SLCO4A1: variants seen among roughly 807,000 people sequenced by gnomAD.
SLCO4A1 encodes the protein colon organic anion transporter.
SLCO4A1 carries 51 observed loss-of-function variants against 64.6 expected under a neutral mutation model. The ratio of observed to expected loss-of-function variants is 0.79; its 90% CI spans 0.63 to 1.00. The LOEUF (loss-of-function observed/expected upper bound fraction) is 1.00. Among genes scored for constraint, SLCO4A1 ranks in the 50% least tolerant of loss-of-function variants. SLCO4A1 has a pLI of 0.00. For missense variants in SLCO4A1, 919 were observed against 980.5 expected (o/e 0.94, Z 0.84); for synonymous variants, 471 against 444.9 (o/e 1.06, Z -0.74).
intron 11 of SLCO4A1, 45 bp downstream of exon 11, chr20:62,669,123 G>T (rs770226603): frequency 1.3e-6 from 2 of 1,582,816 alleles, no homozygotes; most frequent in East Asian, 4.5e-5. Context: ...TCTGAGGGTG[G>T]CTGGGGGCTC....
At chr20:62,660,620 C>T (rs2147084725) in intron 4 of SLCO4A1, 87 bp downstream of exon 4, 16 of 1,447,334 alleles carry the variant, frequency 1.1e-5, no homozygotes, top group Non-Finnish European at 1.4e-5. Flanking sequence ...CCTCTGCTGT[C>T]TTTTTCCCCG....
Position 62,665,084 on chromosome 20 carries a change from G to A in SLCO4A1, c.1272G>A (p.Leu424=). 6.2e-7 allele frequency: 1 copy of A among 1,604,648 alleles called. No individual in the cohort carries two copies. The highest frequency in any genetic ancestry group is 8.5e-7 in the Non-Finnish European group (1 of 1,176,784). The stretch of plus-strand genomic sequence containing the variant: ...TGAGTGCCTCAGAAGCTGCCACCTT[G>A]TTTGGTGAGAAAACTGAATCTTGGG... ...FSLSASEAAT[L]FGYLVVPAGG... Residue 424 remains leucine, a synonymous_variant, in exon 6 of 12, where the codon TTG becomes TTA. Coordinates refer to ENST00000217159, the MANE Select transcript of SLCO4A1 (RefSeq NM_016354.4).
At chr20:62,653,916 G>A (rs1042173324) in intron 1 of SLCO4A1, among the ~76,000 whole-genome samples, 2 of 151,826 alleles carry the variant, frequency 1.3e-5, no homozygotes, top group African/African-American at 2.4e-5. Flanking sequence ...GGGAGGGATA[G>A]CATTAGGAGA....
At chr20:62,682,649 C>CCACACACA (rs10552847) in intron 2 of SLCO4A1, among the ~76,000 whole-genome samples, 37 of 150,796 alleles carry the variant, frequency 2.5e-4, no homozygotes, top group Admixed American at 5.3e-4. Flanking sequence ...GACCATGTGA[C>CCACACACA]CACACACACA....
rs1353915889 is a variant in SLCO4A1 at position 62,685,609 on chromosome 20, G to T, written n.380G>T. The T allele has an allele frequency of 4.2e-6, 1 of 238,312 alleles. No homozygotes were observed. The highest frequency in any genetic ancestry group is 2.3e-5 in the African/African-American group (1 of 42,918). The allele number at this position is 238,312 out of a possible 1,614,324, so 14.8% of individuals were successfully genotyped here. A position where few individuals can be genotyped will look rare whatever the true frequency, so the allele number is the denominator to read the frequency against. On this transcript the variant is annotated non_coding_transcript_exon_variant, in exon 3 of 3. Coordinates refer to the SLCO4A1 transcript ENST00000466818. This position sits in a 1 kb window ranked among gnomAD's most constrained non-coding sequence, Gnocchi z 4.6. ...GGGTGGACTGCCTGTGTTCTCCTGG[G>T]AGAGAATGCATTTGCTTCCGATGCC...
chr20:62,648,429 CG>C (rs764560091), intron 1 of SLCO4A1, among the ~76,000 whole-genome samples: 86 of 152,312 alleles, frequency 5.6e-4, no homozygotes, highest in Admixed American at 1.3e-3. Flanking sequence ...GGCTCACGGG[CG>C]GGGCCACCAG....
At chr20:62,672,759 A>G (rs1242247932), downstream of SLCO4A1, among the ~76,000 whole-genome samples, 1 of 152,148 alleles carries the variant, frequency 6.6e-6, no homozygotes, top group Non-Finnish European at 1.5e-5. Flanking sequence ...GTGCGGGGTC[A>G]TAAGGGTGGG....
chr20:62,657,921 T>G (rs889628355), intron 2 of SLCO4A1, among the ~76,000 whole-genome samples: 1 of 152,248 alleles, frequency 6.6e-6, no homozygotes, highest in Non-Finnish European at 1.5e-5. Context: ...AACTCTATGC[T>G]AGGCAGCTGA....
intron 2 of SLCO4A1, among the ~76,000 whole-genome samples, chr20:62,677,578 C>T (rs1340055447): frequency 6.6e-6 from 1 of 152,170 alleles, no homozygotes; most frequent in Non-Finnish European, 1.5e-5. Flanking sequence ...CAGAGGATGG[C>T]AGGAGGCAGG....
chr20:62,666,770 A>C, intron 7 of SLCO4A1, 195 bp downstream of exon 7: 1 of 603,132 alleles, frequency 1.7e-6, no homozygotes, highest in Non-Finnish European at 2.9e-6. Flanking sequence ...GCCAGCCCCC[A>C]GCAGTGCCTG....
At chr20:62,674,337 C>T (rs558300843), downstream of SLCO4A1, among the ~76,000 whole-genome samples, 10 of 152,228 alleles carry the variant, frequency 6.6e-5, no homozygotes, top group Non-Finnish European at 1.2e-4. Flanking sequence ...TGTCAGCCTG[C>T]GGGCTGAGCT....
intron 1 of SLCO4A1, among the ~76,000 whole-genome samples, chr20:62,655,152 C>T (rs766286288): frequency 1.3e-5 from 2 of 152,170 alleles, no homozygotes; most frequent in Non-Finnish European, 1.5e-5. Flanking sequence ...GGAGGTGCCC[C>T]AGATGGCAAG....
chr20:62,668,058 T>C lies in SLCO4A1; in HGVS notation c.1685T>C (p.Phe562Ser). 6.2e-7 allele frequency: 1 copy of C among 1,614,064 alleles called. No individual in the cohort carries two copies. Among genetic ancestry groups the C allele is most frequent in the South Asian group, 1.1e-5 (1 of 91,088 alleles). The change falls in exon 9 of 12, where the codon TTT (phenylalanine) becomes TCT (serine). Residue 562 changes from phenylalanine (F) to serine (S), a missense_variant. Physicochemically the swap from Phe to Ser is radical, Grantham distance 155. Coordinates refer to ENST00000217159, the MANE Select transcript of SLCO4A1 (RefSeq NM_016354.4). Reference sequence around the variant, plus strand: ...ATCCCTCAGAATCTTTCCTCTGGTTTTGGCCATGCCACTGCAGGGAAATGC... The same window carrying C: ...ATCCCTCAGAATCTTTCCTCTGGTTCTGGCCATGCCACTGCAGGGAAATGC... ...SCIPQNLSSGFGHATAGKCTS... is the reference protein window; with the variant it reads ...SCIPQNLSSGSGHATAGKCTS...
rs779333280 is a variant in SLCO4A1, at chr20:62,656,939, A to C, written c.485A>C (p.Tyr162Ser). The C allele has an allele frequency of 6.4e-7, 1 of 1,563,756 alleles. No homozygotes were observed. The highest frequency in any genetic ancestry group is 1.2e-5 in the South Asian group (1 of 84,038). Residue 162 changes from tyrosine (Y) to serine (S), a missense_variant, in exon 2 of 12, where the codon TAC becomes TCC. Transcript: ENST00000217159. ...TGCCTCTGCCTCACCTTCGTCAGCTACTTCGGGGGCTCAGGGCACAAGCCG... is the reference window on the plus strand; with the variant it reads ...TGCCTCTGCCTCACCTTCGTCAGCTCCTTCGGGGGCTCAGGGCACAAGCCG... Reference protein sequence around the residue: ...AACLCLTFVSYFGGSGHKPRW... With the variant: ...AACLCLTFVSSFGGSGHKPRW...
At chr20:62,660,986 G>A in intron 4 of SLCO4A1, 78 bp from the exon 5 acceptor site, 1 of 990,064 alleles carries the variant, frequency 1.0e-6, no homozygotes, top group Non-Finnish European at 1.5e-6. Flanking sequence ...CAGAGGAGTG[G>A]GGGCAGAGCC....
chr20:62,649,808 C>G (rs757310546), intron 1 of SLCO4A1: 45 of 152,300 alleles, frequency 3.0e-4, no homozygotes, highest in African/African-American at 1.1e-3. Flanking sequence ...TTTGCAGCAC[C>G]GGGGTTCACC....
At chr20:62,685,855 C>G (rs371495267), downstream of SLCO4A1, 2 of 152,198 alleles carry the variant, frequency 1.3e-5, no homozygotes, top group Non-Finnish European at 2.9e-5. The surrounding 1 kb of genome is among the most constrained non-coding windows in gnomAD (Gnocchi z 4.6). Context: ...TCCAGGAAGC[C>G]CTCCGTCCTC....
chr20:62,660,454 G>T lies in SLCO4A1; in HGVS notation c.930G>T (p.Trp310Cys). The T allele has an allele frequency of 1.2e-6, 2 of 1,601,696 alleles. No individual in the cohort carries two copies. The highest frequency in any genetic ancestry group is 1.7e-6 in the Non-Finnish European group (2 of 1,179,894). The change falls in exon 4 of 12, where the codon TGG becomes TGT. Residue 310 changes from tryptophan (W) to cysteine (C), a missense_variant. Physicochemically the swap from Trp to Cys is radical, Grantham distance 215. Transcript: ENST00000217159. Reference protein sequence around the residue: ...TTESPLWVGAWWVGFLGSGAA... With the variant: ...TTESPLWVGACWVGFLGSGAA... ...AGAGCCCACTGTGGGTCGGCGCCTG[G>T]TGGGTCGGCTTCCTGGGCTCTGGGG...
At chr20:62,670,475 C>T (rs987660866) in intron 11 of SLCO4A1, among the ~76,000 whole-genome samples, 14 of 152,232 alleles carry the variant, frequency 9.2e-5, no homozygotes, top group East Asian at 1.9e-4. Context: ...GCACTCACGC[C>T]GCCGTTCAGC....
Sources: gnomAD v4.1 joint callset for allele counts (sites outside exome capture counted in the v4.1 genomes callset) on GRCh38, gnomAD v4.1.1 for gene constraint, Gnocchi (gnomAD v3.1) non-coding constraint, MANE v1.5 for transcripts, NCBI Gene and HGNC (gene_info 2026-07-23, HGNC 2026-07-21) for gene names.